The following HS6ST2 variants were observed in gnomAD, a reference collection of about 807,000 sequenced individuals.
HS6ST2 encodes heparan-sulfate 6-O-sulfotransferase 2.
A neutral mutation model predicts 33.0 loss-of-function variants in HS6ST2; 17 were observed. That is an observed-to-expected ratio of 0.52 (90% CI 0.35 to 0.77). The LOEUF is 0.77. Ranked by LOEUF, HS6ST2 falls within the 30% of genes least tolerant of loss-of-function variation. The pLI, the probability that HS6ST2 is intolerant of heterozygous loss-of-function variation, is 0.01. For synonymous variants in HS6ST2, 248 were observed against 237.1 expected, an observed-to-expected ratio of 1.05 and a Z score of -0.42; for missense variants, 519 against 551.7, an observed-to-expected ratio of 0.94 and a Z score of 0.59.
At chrX:132,662,663 G>T (rs1042187988) in intron 4 of HS6ST2, among the ~76,000 whole-genome samples, 2 of 112,015 alleles carry the variant, frequency 1.8e-5, no homozygotes, top group Non-Finnish European at 3.8e-5. Flanking sequence ...TGTTGGGTTG[G>T]GGGGGTGGAT....
intron 2 of HS6ST2, among the ~76,000 whole-genome samples, chrX:132,811,220 T>C (rs754831433): frequency 9.0e-6 from 1 of 111,388 alleles, no homozygotes; most frequent in East Asian, 2.8e-4. Context: ...AGGTAGCTCT[T>C]ACACGAGGTG....
chrX:132,630,490 T>G (rs1396883716), intron 4 of HS6ST2, among the ~76,000 whole-genome samples: 1 of 111,814 alleles, frequency 8.9e-6, no homozygotes, highest in Non-Finnish European at 1.9e-5. Flanking sequence ...TTGCTCTGCC[T>G]GCCATGATCT....
At chrX:132,949,862 G>T (rs1271627474) in intron 2 of HS6ST2, among the ~76,000 whole-genome samples, 3 of 110,246 alleles carry the variant, frequency 2.7e-5, no homozygotes, top group Non-Finnish European at 5.7e-5. Context: ...TCTCTCGCTC[G>T]CTCGCTCGCT....
intron 2 of HS6ST2, among the ~76,000 whole-genome samples, chrX:132,862,181 T>C (rs1169152946): frequency 8.9e-6 from 1 of 112,363 alleles, no homozygotes; most frequent in African/African-American, 3.2e-5. Context: ...AATATAAATA[T>C]AACACAAGAA....
chrX:132,858,998 A>G (rs1305604459), intron 2 of HS6ST2, among the ~76,000 whole-genome samples: 1 of 112,314 alleles, frequency 8.9e-6, no homozygotes, highest in Non-Finnish European at 1.9e-5. Context: ...ACAATGCACA[A>G]ACTGAACACC....
At chrX:132,633,940 A>G (rs1329401210) in intron 4 of HS6ST2, among the ~76,000 whole-genome samples, 1 of 111,451 alleles carries the variant, frequency 9.0e-6, no homozygotes, top group East Asian at 2.8e-4. Flanking sequence ...ATTTCTCTTA[A>G]TGTGGCCTCA....
intron 2 of HS6ST2, among the ~76,000 whole-genome samples, chrX:132,722,590 A>G (rs1489708943): frequency 8.9e-6 from 1 of 112,321 alleles, no homozygotes; most frequent in Admixed American, 9.4e-5. Context: ...AAACAACTCT[A>G]TGGAGAAATG....
chrX:132,943,001 T>A (rs2066903577), intron 2 of HS6ST2, among the ~76,000 whole-genome samples: 1 of 112,467 alleles, frequency 8.9e-6, no homozygotes, highest in African/African-American at 3.2e-5. Context: ...TTCATTTCCA[T>A]TAAAACATCA....
At chrX:132,956,153 A>T (rs1440524991) in intron 2 of HS6ST2, among the ~76,000 whole-genome samples, 1 of 111,813 alleles carries the variant, frequency 8.9e-6, no homozygotes, top group Admixed American at 9.4e-5. Context: ...GCCCGGGAAG[A>T]CCAGAGCCAG....
intron 2 of HS6ST2, among the ~76,000 whole-genome samples, chrX:132,916,512 G>A (rs1218085164): frequency 8.9e-6 from 1 of 112,256 alleles, no homozygotes; most frequent in African/African-American, 3.2e-5. Context: ...TGCCATAGGA[G>A]ATTAACATTT....
intron 2 of HS6ST2, among the ~76,000 whole-genome samples, chrX:132,915,644 G>A (rs1487413656): frequency 4.5e-5 from 5 of 110,868 alleles, no homozygotes; most frequent in Non-Finnish European, 9.4e-5. Context: ...AACAAGCTGT[G>A]GTAAAGATGT....
chrX:132,762,503 T>C (rs764938945), intron 2 of HS6ST2, among the ~76,000 whole-genome samples: 1 of 112,511 alleles, frequency 8.9e-6, no homozygotes, highest in South Asian at 3.7e-4. Flanking sequence ...ATACTGATTC[T>C]GAAATATTTA....
At chrX:132,746,376 G>A (rs1245497546) in intron 2 of HS6ST2, among the ~76,000 whole-genome samples, 6 of 110,327 alleles carry the variant, frequency 5.4e-5, no homozygotes, top group East Asian at 2.8e-4. Flanking sequence ...GGTGGCGGGC[G>A]CCTGTAGTCC....
At chrX:132,877,152 C>T (rs954060065) in intron 2 of HS6ST2, among the ~76,000 whole-genome samples, 3 of 112,121 alleles carry the variant, frequency 2.7e-5, no homozygotes, top group East Asian at 2.8e-4. Flanking sequence ...AAAAGCCTCA[C>T]ATCAGGACAG....
At chrX:132,911,266 C>T (rs2066531671) in intron 2 of HS6ST2, among the ~76,000 whole-genome samples, 1 of 111,262 alleles carries the variant, frequency 9.0e-6, no homozygotes, top group Non-Finnish European at 1.9e-5. Context: ...CTCCTGGCCC[C>T]CTAACCATCC....
intron 2 of HS6ST2, among the ~76,000 whole-genome samples, chrX:132,867,214 C>T (rs919195211): frequency 3.7e-5 from 4 of 106,741 alleles, no homozygotes; most frequent in Non-Finnish European, 7.7e-5. Context: ...TGTCAAAGGC[C>T]TTTTCTGCAT....
intron 3 of HS6ST2, among the ~76,000 whole-genome samples, chrX:132,693,360 T>C (rs1057340828): frequency 9.8e-5 from 11 of 111,880 alleles, no homozygotes; most frequent in Non-Finnish European, 1.9e-4. Context: ...TTCATAAAAT[T>C]CTCAGACAGC....
intron 3 of HS6ST2, among the ~76,000 whole-genome samples, chrX:132,687,347 A>T (rs2064026317): frequency 9.0e-6 from 1 of 111,150 alleles, no homozygotes; most frequent in Non-Finnish European, 1.9e-5. Context: ...CCAGGGAACC[A>T]TGCTCATTTG....
At chrX:132,642,605 C>T (rs1312248087) in intron 4 of HS6ST2, among the ~76,000 whole-genome samples, 1 of 111,725 alleles carries the variant, frequency 9.0e-6, no homozygotes, top group Admixed American at 9.5e-5. Context: ...AATAACATGG[C>T]TGGGCTACAT....
Sources: gnomAD v4.1 joint callset for allele counts (sites outside exome capture counted in the v4.1 genomes callset) on GRCh38, gnomAD v4.1.1 for gene constraint, MANE v1.5 for transcripts, NCBI Gene and HGNC (gene_info 2026-07-23, HGNC 2026-07-21) for gene names.